ZFP14: variants seen among roughly 807,000 people sequenced by gnomAD.
ZFP14 encodes the protein zinc finger protein 14 homolog.
ZFP14 carries 22 observed loss-of-function variants against 54.5 expected under a neutral mutation model. That is an observed-to-expected ratio of 0.40 (90% CI 0.29 to 0.58). The LOEUF is 0.58. Ranked by LOEUF, ZFP14 falls within the 20% of genes least tolerant of loss-of-function variation. The pLI is 0.39. For missense variants in ZFP14, 470 were observed against 637.8 expected (o/e 0.74, Z 2.83); for synonymous variants, 159 against 204.0 (o/e 0.78, Z 1.88).
intron 2 of ZFP14, 93 bp from the exon 3 acceptor site, chr19:36,362,331 G>A: frequency 7.4e-7 from 1 of 1,355,616 alleles, no homozygotes. Context: ...TGCAGAGAGG[G>A]GTCAGATAGC....
chr19:36,360,835 A>G (rs2031698356), intron 3 of ZFP14, among the ~76,000 whole-genome samples: 1 of 152,206 alleles, frequency 6.6e-6, no homozygotes, highest in South Asian at 2.1e-4. Flanking sequence ...AGAGGGAAGA[A>G]CACAGACTGG....
intron 4 of ZFP14, among the ~76,000 whole-genome samples, chr19:36,358,569 ATTTCTT>A (rs2031660149): frequency 6.6e-6 from 1 of 151,874 alleles, no homozygotes; most frequent in Non-Finnish European, 1.5e-5. Context: ...TTTATGTCTC[ATTTCTT>A]TTTCTTTTGA....
At chr19:36,354,378 A>G (rs2031580663) in intron 4 of ZFP14, among the ~76,000 whole-genome samples, 1 of 139,860 alleles carries the variant, frequency 7.2e-6, no homozygotes, top group South Asian at 2.3e-4. Flanking sequence ...CTCAAAAAAA[A>G]AAAAAAAAAG....
At chr19:36,347,584 G>A (rs920675995) in intron 4 of ZFP14, among the ~76,000 whole-genome samples, 2 of 151,142 alleles carry the variant, frequency 1.3e-5, no homozygotes, top group Non-Finnish European at 2.9e-5. Flanking sequence ...ACTATAGCCT[G>A]GGTGACAGAG....
At chr19:36,378,165 T>C (rs1338711175) in intron 1 of ZFP14, 1 of 152,234 alleles carries the variant, frequency 6.6e-6, no homozygotes, top group Admixed American at 6.6e-5. Flanking sequence ...GAGGATCTAA[T>C]GACAGCTGCA....
chr19:36,351,461 T>C (rs1475372000), intron 4 of ZFP14, among the ~76,000 whole-genome samples: 1 of 141,218 alleles, frequency 7.1e-6, no homozygotes, highest in African/African-American at 2.6e-5. Flanking sequence ...ATCCCACCAC[T>C]GCACTCCAGC....
At chr19:36,366,507 C>A (rs12459465) in intron 2 of ZFP14, among the ~76,000 whole-genome samples, 9 of 151,762 alleles carry the variant, frequency 5.9e-5, no homozygotes, top group Non-Finnish European at 1.2e-4. Flanking sequence ...TGTAGAGACA[C>A]GGTTTTGCCT....
intron 4 of ZFP14, among the ~76,000 whole-genome samples, chr19:36,347,791 T>A (rs375897647): frequency 7.2e-5 from 11 of 152,290 alleles, no homozygotes; most frequent in African/African-American, 2.6e-4. Context: ...CTGTGCGCAG[T>A]GGCTCACGCC....
chr19:36,352,200 T>C lies in ZFP14; in HGVS notation c.235+8235A>G, dbSNP rs2031539468. Among the ~76,000 whole-genome samples the C allele has an allele frequency of 2.8e-5, 4 of 142,252 alleles. 1 individual carries two copies. The South Asian group carries it at 8.8e-4, about 31-fold the overall frequency. The allele number at this position is 142,252 out of a possible 152,430, so 93.3% of individuals were successfully genotyped here. A position where few individuals can be genotyped will look rare whatever the true frequency, so the allele number is the denominator to read the frequency against. On this transcript the variant is annotated intron_variant, in intron 4 of 4. Transcript: ENST00000270001. ...CTCTGTCTCAAAAAAAAAAAAATTCTATTAAGATCCCTACAATTTTGAACA... is the reference window on the plus strand; with the variant it reads ...CTCTGTCTCAAAAAAAAAAAAATTCCATTAAGATCCCTACAATTTTGAACA...
At chr19:36,360,590 A>G (rs2031694761) in intron 3 of ZFP14, 57 bp from the exon 4 acceptor site, 6 of 1,485,092 alleles carry the variant, frequency 4.0e-6, no homozygotes, top group Non-Finnish European at 4.6e-6. Context: ...TTAGATTTAG[A>G]TTTGGTTAAA....
intron 1 of ZFP14, among the ~76,000 whole-genome samples, chr19:36,374,592 C>CG (rs555879757): frequency 7.4e-4 from 112 of 151,952 alleles, no homozygotes; most frequent in Non-Finnish European, 6.5e-4. Context: ...AACCTAATTT[C>CG]GGAATGATTC....
intron 4 of ZFP14, among the ~76,000 whole-genome samples, chr19:36,346,610 C>T (rs115398966): frequency 1.1e-4 from 16 of 152,172 alleles, no homozygotes; most frequent in African/African-American, 3.6e-4. Context: ...GGTGTTTCTA[C>T]CATGCCCAGC....
rs1345387378 is a variant in ZFP14 at position 36,334,659 on chromosome 19, A to T, written c.*5565T>A. The T allele has an allele frequency of 6.6e-6, 1 of 152,196 alleles. No homozygotes were observed. The highest frequency in any genetic ancestry group is 6.5e-5 in the Admixed American group (1 of 15,268). The allele number at this position is 152,196 out of a possible 1,614,324, so 9.4% of individuals were successfully genotyped here. On this transcript the variant is annotated 3_prime_UTR_variant, in exon 5 of 5. Coordinates refer to ENST00000270001, the MANE Select transcript of ZFP14 (RefSeq NM_020917.3). ...GAGCTGCAAAAAATTGCCCTGACTT[A>T]TGCCGCCCCCAACACAACCACTCAC...
intron 2 of ZFP14, among the ~76,000 whole-genome samples, chr19:36,365,779 T>A (rs987463702): frequency 3.9e-5 from 6 of 152,006 alleles, no homozygotes; most frequent in Non-Finnish European, 7.4e-5. Context: ...GGCAACATAG[T>A]GGGACCCCAT....
chr19:36,362,248 C>A lies in ZFP14; in HGVS notation c.10-10G>T. ...TGAATGTCACTGAACCCTGAAAAAACAAACTCAGGTATTACTTGTGAAAAT... is the reference window on the plus strand; with the variant it reads ...TGAATGTCACTGAACCCTGAAAAAAAAAACTCAGGTATTACTTGTGAAAAT... On this transcript the variant is annotated splice_polypyrimidine_tract_variant and intron_variant, in intron 2 of 4. Coordinates refer to ENST00000270001, the MANE Select transcript of ZFP14 (RefSeq NM_020917.3). 1 of 1,580,322 alleles carries A rather than the reference C, an allele frequency of 6.3e-7. No individual in the cohort carries two copies. Among genetic ancestry groups the A allele is most frequent in the Non-Finnish European group, 8.5e-7 (1 of 1,170,398 alleles).
At position 36,336,234 on chromosome 19, in the gene ZFP14, G is replaced by A. The variant is rs2031192186; in HGVS notation, c.*3990C>T. The A allele has an allele frequency of 8.3e-6, 1 of 119,788 alleles. No homozygotes were observed. The highest frequency in any genetic ancestry group is 3.3e-5 in the African/African-American group (1 of 30,378). 7.4% of individuals were successfully genotyped at this position (119,788 alleles called of 1,614,324 possible). On this transcript the variant is annotated 3_prime_UTR_variant, in exon 5 of 5. Transcript: ENST00000270001. The stretch of plus-strand genomic sequence containing the variant: ...TTCTACTTTCTACTGTTACTTGGCT[G>A]TTCCTTTTTTTTTTTTTTTTTTTTT...
intron 4 of ZFP14, among the ~76,000 whole-genome samples, chr19:36,353,647 G>A (rs1378508313): frequency 2.4e-5 from 3 of 127,622 alleles, no homozygotes; most frequent in Admixed American, 8.6e-5. Flanking sequence ...GCAGTGAGCC[G>A]AGATTGCGCC....
rs1198276354 is a variant in ZFP14, at chr19:36,353,586, C to A, written c.235+6849G>T. Among the ~76,000 whole-genome samples, 3 of 138,600 alleles carry A rather than the reference C, an allele frequency of 2.2e-5. 1 individual carries two copies. Among genetic ancestry groups the A allele is most frequent in the Non-Finnish European group, 4.8e-5 (3 of 63,142 alleles). The allele number at this position is 138,600 out of a possible 152,430, so 90.9% of individuals were successfully genotyped here. A position where few individuals can be genotyped will look rare whatever the true frequency, so the allele number is the denominator to read the frequency against. On this transcript the variant is annotated intron_variant, in intron 4 of 4. Transcript: ENST00000270001. ...TGGTAGCGTGTGCCTGTAATCCCAG[C>A]TACTCGGGAGGCTGAGGCAGGACAA...
intron 4 of ZFP14, among the ~76,000 whole-genome samples, chr19:36,351,396 G>A (rs2031522852): frequency 7.0e-6 from 1 of 142,044 alleles, no homozygotes. Context: ...CTACTCTAGA[G>A]GCCGAGGTGG....
Sources: gnomAD v4.1 joint callset for allele counts (sites outside exome capture counted in the v4.1 genomes callset) on GRCh38, gnomAD v4.1.1 for gene constraint, MANE v1.5 for transcripts, NCBI Gene and HGNC (gene_info 2026-07-23, HGNC 2026-07-21) for gene names.